SOX6: variants seen among roughly 807,000 people sequenced by gnomAD.
The protein encoded by SOX6 is transcription factor SOX-6.
A neutral mutation model predicts 97.8 loss-of-function variants in SOX6; 11 were observed. The ratio of observed to expected loss-of-function variants is 0.11; its 90% CI spans 0.07 to 0.19. The LOEUF (loss-of-function observed/expected upper bound fraction) is 0.19, where lower values mean the gene tolerates loss of function less well. SOX6 is among the 10% of genes least tolerant of loss of function. The pLI is 1.00. For missense variants in SOX6, 810 were observed against 1,039.5 expected, an observed-to-expected ratio of 0.78 and a Z score of 3.04; for synonymous variants, 360 against 371.4, an observed-to-expected ratio of 0.97 and a Z score of 0.35.
chr11:16,321,355 C>A (rs1169565928), intron 2 of SOX6, among the ~76,000 whole-genome samples: 1 of 151,324 alleles, frequency 6.6e-6, no homozygotes, highest in South Asian at 2.1e-4. Flanking sequence ...AAATGACTCA[C>A]AATTGACTAT....
chr11:16,443,789 C>G (rs1177267878), intron 1 of SOX6, among the ~76,000 whole-genome samples: 2 of 151,920 alleles, frequency 1.3e-5, no homozygotes, highest in African/African-American at 4.8e-5. Context: ...CCGAGGCAGG[C>G]AGATCATGAG....
chr11:16,628,349 C>A (rs1021410161), intron 3 of SOX6, among the ~76,000 whole-genome samples: 1 of 151,886 alleles, frequency 6.6e-6, no homozygotes, highest in Non-Finnish European at 1.5e-5. Flanking sequence ...TGGGGCCGGG[C>A]ATGGTTGCTC....
intron 4 of SOX6, among the ~76,000 whole-genome samples, chr11:16,543,972 A>C (rs1316925712): frequency 6.6e-6 from 1 of 152,198 alleles, no homozygotes; most frequent in Non-Finnish European, 1.5e-5. Flanking sequence ...GGGTAGAAGG[A>C]TGTCTGTTGA....
intron 1 of SOX6, among the ~76,000 whole-genome samples, chr11:16,416,385 T>G (rs1858927102): frequency 6.6e-6 from 1 of 152,204 alleles, no homozygotes; most frequent in Admixed American, 6.5e-5. Flanking sequence ...TAAAAATTAT[T>G]TATTCTGAAT....
intron 4 of SOX6, among the ~76,000 whole-genome samples, chr11:16,216,624 AAAAT>A (rs1358239968): frequency 1.3e-5 from 2 of 152,042 alleles, no homozygotes; most frequent in African/African-American, 2.4e-5. Context: ...AAAAAAAAAA[AAAAT>A]CATAACTCTT....
intron 4 of SOX6, among the ~76,000 whole-genome samples, chr11:16,549,199 C>T (rs1297048907): frequency 6.6e-6 from 1 of 152,050 alleles, no homozygotes; most frequent in African/African-American, 2.4e-5. Flanking sequence ...GGCGGCATTT[C>T]ACTCTTGTTG....
chr11:16,642,566 T>G (rs1211343778), intron 3 of SOX6, among the ~76,000 whole-genome samples: 1 of 152,208 alleles, frequency 6.6e-6, no homozygotes, highest in Non-Finnish European at 1.5e-5. Context: ...CAGACGTAGA[T>G]TTGGTCTTTT....
intron 2 of SOX6, among the ~76,000 whole-genome samples, chr11:16,333,189 T>G (rs1856360299): frequency 6.6e-6 from 1 of 152,160 alleles, no homozygotes; most frequent in African/African-American, 2.4e-5. Context: ...CCTGGGTTCC[T>G]CCTCCCAAAG....
At chr11:16,563,797 T>C (rs1244702507) in intron 4 of SOX6, among the ~76,000 whole-genome samples, 4 of 152,110 alleles carry the variant, frequency 2.6e-5, no homozygotes, top group Admixed American at 6.6e-5. Flanking sequence ...AAGAAATTCA[T>C]GCAAAGATAC....
intron 3 of SOX6, among the ~76,000 whole-genome samples, chr11:16,279,413 T>A (rs1854489796): frequency 6.6e-6 from 1 of 152,094 alleles, no homozygotes; most frequent in African/African-American, 2.4e-5. Flanking sequence ...GTTTTTAGAC[T>A]ATCTTTTAAA....
rs965681170 is a variant in SOX6 at position 15,979,741 on chromosome 11, C to T, written c.2183+6463G>A. 6.6e-5 allele frequency among the ~76,000 whole-genome samples: 10 copies of T among 151,998 alleles called. No individual in the cohort carries two copies. The South Asian group carries it at 1.2e-3, about 19-fold the overall frequency. On this transcript the variant is annotated intron_variant, in intron 15 of 15. Coordinates refer to ENST00000683767, the MANE Select transcript of SOX6 (RefSeq NM_001367873.1). ...TGCCCACATTTCCCAGATATCTGCA[C>T]AGCTTGCTCCCTTCCCTACTGAGGC...
At chr11:16,140,097 T>C (rs747430577) in intron 6 of SOX6, among the ~76,000 whole-genome samples, 3 of 151,964 alleles carry the variant, frequency 2.0e-5, no homozygotes, top group Non-Finnish European at 2.9e-5. Context: ...TTTCTCTCTA[T>C]CTCTTACATA....
intron 1 of SOX6, among the ~76,000 whole-genome samples, chr11:16,403,611 C>T (rs1267958372): frequency 2.6e-5 from 4 of 151,510 alleles, no homozygotes; most frequent in African/African-American, 9.7e-5. Flanking sequence ...CCTACAGTAA[C>T]ATAAGATAAG....
At chr11:16,417,817 G>A (rs1404882155) in intron 1 of SOX6, among the ~76,000 whole-genome samples, 3 of 152,126 alleles carry the variant, frequency 2.0e-5, no homozygotes, top group Non-Finnish European at 4.4e-5. Context: ...ATTTCTTCAT[G>A]CAAAGTGATG....
intron 2 of SOX6, among the ~76,000 whole-genome samples, chr11:16,733,858 C>A (rs569597166): frequency 6.6e-6 from 1 of 151,304 alleles, no homozygotes; most frequent in African/African-American, 2.4e-5. Context: ...AACCCCATCT[C>A]TACTAAAAAT....
At chr11:16,193,498 G>C (rs1851686967) in intron 4 of SOX6, among the ~76,000 whole-genome samples, 1 of 152,150 alleles carries the variant, frequency 6.6e-6, no homozygotes. Flanking sequence ...TTTAAACCTA[G>C]ACATTCTCCT....
chr11:16,371,401 CCTT>C (rs1184460837), intron 1 of SOX6, among the ~76,000 whole-genome samples: 1 of 152,028 alleles, frequency 6.6e-6, no homozygotes, highest in Non-Finnish European at 1.5e-5. Context: ...TCCCTATCCC[CCTT>C]TTTTGTTTTA....
chr11:16,017,342 T>A (rs1854918237), intron 12 of SOX6, among the ~76,000 whole-genome samples: 1 of 152,042 alleles, frequency 6.6e-6, no homozygotes, highest in Non-Finnish European at 1.5e-5. Flanking sequence ...CAAGGAAGAA[T>A]ATCCCATGAA....
intron 15 of SOX6, among the ~76,000 whole-genome samples, chr11:15,981,607 T>C (rs1031637892): frequency 6.6e-6 from 1 of 152,038 alleles, no homozygotes; most frequent in African/African-American, 2.4e-5. Context: ...ACTTTACCTA[T>C]TGAATGTTCT....
Sources: gnomAD v4.1 joint callset for allele counts (sites outside exome capture counted in the v4.1 genomes callset) on GRCh38, gnomAD v4.1.1 for gene constraint, MANE v1.5 for transcripts, NCBI Gene and HGNC (gene_info 2026-07-23, HGNC 2026-07-21) for gene names.